Variants in IL1F10 observed in about 807,000 individuals in gnomAD.
The protein encoded by IL1F10 is interleukin-1 family member 10.
Under a neutral mutation model 13.1 loss-of-function variants are expected in IL1F10, and 13 were observed. The observed-to-expected ratio is 0.99, with a 90% CI of 0.64 to 1.57. IL1F10 has a LOEUF of 1.57. Ranked by LOEUF, IL1F10 falls within the 40% of genes most tolerant of loss-of-function variation. IL1F10 has a pLI of 0.00. For synonymous variants in IL1F10, 78 were observed against 68.2 expected, an observed-to-expected ratio of 1.14 and a Z score of -0.71; for missense variants, 191 against 184.1, an observed-to-expected ratio of 1.04 and a Z score of -0.22.
chr2:113,071,203 C>A (rs1685828845), intron 1 of IL1F10, among the ~76,000 whole-genome samples: 1 of 152,202 alleles, frequency 6.6e-6, no homozygotes, highest in South Asian at 2.1e-4. Context: ...TTATAATCTG[C>A]ATTTTTCACC....
At chr2:113,074,622 TG>T in intron 3 of IL1F10, 100 bp from the exon 4 acceptor site, 1 of 1,437,700 alleles carries the variant, frequency 7.0e-7, no homozygotes, top group Non-Finnish European at 9.8e-7. Context: ...CCAGGCCAGG[TG>T]TGCCCATGTC....
At chr2:113,074,699 A>G (rs1412908008) in intron 3 of IL1F10, 24 bp from the exon 4 acceptor site, 1 of 1,612,590 alleles carries the variant, frequency 6.2e-7, no homozygotes, top group Admixed American at 1.7e-5. Context: ...TTGTCCCTTG[A>G]CTCTTCTCTC....
chr2:113,074,964 T>G, intron 4 of IL1F10, 114 bp downstream of exon 4: 1 of 1,364,296 alleles, frequency 7.3e-7, no homozygotes, highest in South Asian at 1.3e-5. Context: ...ATGTCCTACT[T>G]CCTCAGGTTT....
chr2:113,075,032 G>A (rs1266498860), intron 4 of IL1F10, 120 bp from the exon 5 acceptor site: 6 of 1,233,602 alleles, frequency 4.9e-6, no homozygotes, highest in Non-Finnish European at 5.7e-6. Flanking sequence ...TCTGCAGAAG[G>A]CAGTCCCTTG....
intron 1 of IL1F10, among the ~76,000 whole-genome samples, chr2:113,070,540 T>C (rs1015211670): frequency 6.6e-6 from 1 of 152,150 alleles, no homozygotes; most frequent in Non-Finnish European, 1.5e-5. Flanking sequence ...TGGGCACAGC[T>C]ACCACACTGC....
At position 113,074,373 on chromosome 2, in the gene IL1F10, A is replaced by T. The variant is rs1685896254; in HGVS notation, c.77A>T (p.Gln26Leu). Reference protein sequence around the residue: ...DQKALYTRDGQLLVGDPVADN... With the variant: ...DQKALYTRDGLLLVGDPVADN... ...AAGGCTCTATACACAAGAGATGGCC[A>T]GCTGCTGGTGGGAGATCCTGTTGCA... Residue 26 changes from glutamine to leucine, a missense_variant, in exon 3 of 5, where the codon CAG becomes CTG. By Grantham distance (113) the Gln-to-Leu change is moderately radical (BLOSUM62 -2). Transcript: ENST00000341010. The T allele has an allele frequency of 6.2e-7, 1 of 1,613,912 alleles. No homozygotes were observed. The highest frequency in any genetic ancestry group is 8.5e-7 in the Non-Finnish European group (1 of 1,179,888).
rs6761276 is a variant in IL1F10, at chr2:113,074,735, T to C, written c.131T>C (p.Ile44Thr). The C allele has an allele frequency of 0.57, 919,580 of 1,610,742 alleles. 267,979 individuals carry two copies. Among genetic ancestry groups the C allele is most frequent in the Middle Eastern group, 0.68 (4,144 of 6,052 alleles). Residue 44 changes from isoleucine (I) to threonine (T), a missense_variant, in exon 4 of 5, where the codon ATA becomes ACA. Ile to Thr is a moderately conservative substitution (Grantham distance 89). Coordinates refer to ENST00000341010, the MANE Select transcript of IL1F10 (RefSeq NM_173161.3). ...ADNCCAEKIC[I>T]LPNRGLARTK... ...TCTTCCCTCCTAGAGAAGATCTGCA[T>C]ACTTCCTAACAGAGGCTTGGCCCGC...
chr2:113,075,171 T>G lies in IL1F10; in HGVS notation c.266T>G (p.Leu89Arg). 6.2e-7 allele frequency: 1 copy of G among 1,608,006 alleles called. No individual in the cohort carries two copies. Among genetic ancestry groups the G allele is most frequent in the South Asian group, 1.1e-5 (1 of 90,738 alleles). Residue 89 changes from leucine (L) to arginine (R), a missense_variant, in exon 5 of 5, where the codon CTG (leucine) becomes CGG (arginine). Coordinates refer to ENST00000341010, the MANE Select transcript of IL1F10 (RefSeq NM_173161.3). ...LQLEDVNIEE[L>R]YKGGEEATRF... The stretch of plus-strand genomic sequence containing the variant: ...CCACAGGATGTGAACATTGAGGAAC[T>G]GTACAAAGGTGGTGAAGAGGCCACA...
intron 2 of IL1F10, 142 bp from the exon 3 acceptor site, chr2:113,074,187 G>C: frequency 1.6e-6 from 1 of 643,512 alleles, no homozygotes; most frequent in Non-Finnish European, 2.9e-6. Flanking sequence ...TCTTGGGAGT[G>C]ACCATTCCCC....
intron 1 of IL1F10, among the ~76,000 whole-genome samples, chr2:113,070,489 C>T (rs1283098337): frequency 2.0e-5 from 3 of 152,170 alleles, no homozygotes; most frequent in Non-Finnish European, 2.9e-5. Context: ...TTGCTATCCA[C>T]CTTCACCCAG....
At position 113,074,737 on chromosome 2, in the gene IL1F10, C is replaced by T. The variant is rs1215844482; in HGVS notation, c.133C>T (p.Leu45Phe). The change falls in exon 4 of 5, where the codon CTT becomes TTT. Residue 45 changes from leucine to phenylalanine, a missense_variant. Coordinates refer to ENST00000341010, the MANE Select transcript of IL1F10 (RefSeq NM_173161.3). The part of the protein sequence containing the change: ...DNCCAEKICI[L>F]PNRGLARTKV... ...TTCCCTCCTAGAGAAGATCTGCATA[C>T]TTCCTAACAGAGGCTTGGCCCGCAC... is the stretch of plus-strand genomic sequence containing the variant. The T allele has an allele frequency of 1.7e-5, 28 of 1,613,552 alleles. No homozygotes were observed. The highest frequency in any genetic ancestry group is 1.3e-4 in the Admixed American group (8 of 60,012).
Position 113,075,249 on chromosome 2 carries a change from C to T in IL1F10, c.344C>T (p.Ala115Val). The T allele has an allele frequency of 6.2e-7, 1 of 1,613,858 alleles. No individual in the cohort carries two copies. Among genetic ancestry groups the T allele is most frequent in the East Asian group, 2.2e-5 (1 of 44,870 alleles). ...GGCTCCGCCTTCAGGCTTGAGGCTG[C>T]TGCCTGGCCTGGCTGGTTCCTGTGT... ...SSGSAFRLEA[A>V]AWPGWFLCGP... The change falls in exon 5 of 5, where the codon GCT becomes GTT. Residue 115 changes from alanine (A) to valine (V), a missense_variant. Ala to Val is a moderately conservative substitution (Grantham distance 64). Transcript: ENST00000341010.
At chr2:113,072,689 G>T in intron 1 of IL1F10, 22 bp from the exon 2 acceptor site, 1 of 1,563,124 alleles carries the variant, frequency 6.4e-7, no homozygotes, top group Non-Finnish European at 8.8e-7. Context: ...TTTTCTAACT[G>T]CCCTTCTCTC....
At chr2:113,073,537 C>G (rs912344858) in intron 2 of IL1F10, among the ~76,000 whole-genome samples, 8 of 152,134 alleles carry the variant, frequency 5.3e-5, no homozygotes, top group Non-Finnish European at 1.0e-4. Flanking sequence ...GTTCTGGTCT[C>G]CAAATAGAAT....
intron 1 of IL1F10, among the ~76,000 whole-genome samples, chr2:113,071,652 A>T (rs1399529164): frequency 1.3e-5 from 2 of 152,134 alleles, no homozygotes; most frequent in Non-Finnish European, 2.9e-5. Flanking sequence ...TGTTTCTGGA[A>T]CTTGAGAGCT....
At chr2:113,074,621 G>C (rs747118570) in intron 3 of IL1F10, 102 bp from the exon 4 acceptor site, 1 of 1,435,032 alleles carries the variant, frequency 7.0e-7, no homozygotes, top group Non-Finnish European at 9.8e-7. Flanking sequence ...GCCAGGCCAG[G>C]TGTGCCCATG....
intron 2 of IL1F10, among the ~76,000 whole-genome samples, chr2:113,073,490 C>T (rs1371983039): frequency 6.6e-6 from 1 of 152,178 alleles, no homozygotes; most frequent in African/African-American, 2.4e-5. Context: ...ACATAAATGA[C>T]AAAGCAGATG....
At position 113,075,333 on chromosome 2, in the gene IL1F10, G is replaced by A. The variant is rs756742319; in HGVS notation, c.428G>A (p.Arg143His). 2.1e-5 allele frequency: 33 copies of A among 1,590,918 alleles called. No individual in the cohort carries two copies. The highest frequency in any genetic ancestry group is 1.4e-4 in the East Asian group (6 of 44,276). Reference protein sequence around the residue: ...QLTKESEPSARTKFYFEQSW With the variant: ...QLTKESEPSAHTKFYFEQSW ...ACCAAGGAGAGTGAGCCCTCAGCCC[G>A]TACCAAGTTTTACTTTGAACAGAGC... Residue 143 changes from arginine to histidine, a missense_variant, in exon 5 of 5, where the codon CGT becomes CAT. By Grantham distance (29) the Arg-to-His change is conservative. Coordinates refer to ENST00000341010, the MANE Select transcript of IL1F10 (RefSeq NM_173161.3).
At chr2:113,072,985 T>TATAA (rs1685866686) in intron 2 of IL1F10, among the ~76,000 whole-genome samples, 2 of 152,240 alleles carry the variant, frequency 1.3e-5, no homozygotes, top group Non-Finnish European at 2.9e-5. Flanking sequence ...CCAAAAAGTC[T>TATAA]GTAAGTGGAG....
Sources: gnomAD v4.1 joint callset for allele counts (sites outside exome capture counted in the v4.1 genomes callset) on GRCh38, gnomAD v4.1.1 for gene constraint, MANE v1.5 for transcripts, NCBI Gene and HGNC (gene_info 2026-07-23, HGNC 2026-07-21) for gene names.